Variants in ELP4 observed in about 807,000 individuals in gnomAD.
ELP4 encodes the protein elongator acetyltransferase complex subunit 4.
Under a neutral mutation model 48.9 loss-of-function variants are expected in ELP4, and 51 were observed. The observed-to-expected ratio is 1.04, with a 90% CI of 0.83 to 1.32. The LOEUF (loss-of-function observed/expected upper bound fraction) is 1.32, where lower values mean the gene tolerates loss of function less well. Ranked by LOEUF, ELP4 falls within the 40% of genes most tolerant of loss-of-function variation. ELP4 has a pLI of 0.00. For missense variants in ELP4, 519 were observed against 514.6 expected, an observed-to-expected ratio of 1.01 and a Z score of -0.08; for synonymous variants, 210 against 189.2, an observed-to-expected ratio of 1.11 and a Z score of -0.90.
At chr11:31,737,085 A>G (rs1189687425) in intron 9 of ELP4, among the ~76,000 whole-genome samples, 2 of 152,248 alleles carry the variant, frequency 1.3e-5, no homozygotes, top group Non-Finnish European at 1.5e-5. Context: ...CAACAATGAT[A>G]GACTGGACGA....
At position 31,577,891 on chromosome 11, in the gene ELP4, T is replaced by G. The variant is rs1034329082; in HGVS notation, c.382-16879T>G. On this transcript the variant is annotated intron_variant, in intron 3 of 9. Coordinates refer to ENST00000640961, the MANE Select transcript of ELP4 (RefSeq NM_019040.5). ...TCCCTTTGAAAACTGGCACAAGACA[T>G]GGATGCCCTCTCTCACCACTCCCAT... is the stretch of plus-strand genomic sequence containing the variant. Among the ~76,000 whole-genome samples, 14 of 151,518 alleles carry G rather than the reference T, an allele frequency of 9.2e-5. No individual in the cohort carries two copies. In the South Asian group the frequency reaches 1.9e-3, roughly 20 times the overall value.
chr11:31,703,944 T>A (rs1455748405), intron 9 of ELP4, among the ~76,000 whole-genome samples: 1 of 152,166 alleles, frequency 6.6e-6, no homozygotes, highest in Non-Finnish European at 1.5e-5. Context: ...AATTCAAAAA[T>A]GTTATATGCA....
At chr11:31,550,485 C>G (rs1229702585) in intron 3 of ELP4, among the ~76,000 whole-genome samples, 1 of 152,122 alleles carries the variant, frequency 6.6e-6, no homozygotes, top group East Asian at 1.9e-4. Context: ...AGTGATGATA[C>G]CAGCCATTCA....
At chr11:31,770,296 G>A (rs1948112158) in intron 9 of ELP4, among the ~76,000 whole-genome samples, 1 of 152,110 alleles carries the variant, frequency 6.6e-6, no homozygotes, top group South Asian at 2.1e-4. Context: ...GGAGTCAGTT[G>A]GGGAGATATC....
intron 9 of ELP4, among the ~76,000 whole-genome samples, chr11:31,747,063 G>T (rs1947611710): frequency 6.6e-6 from 1 of 152,010 alleles, no homozygotes; most frequent in Non-Finnish European, 1.5e-5. Flanking sequence ...GTTTGTGTGT[G>T]TCTGTGTCAC....
intron 9 of ELP4, among the ~76,000 whole-genome samples, chr11:31,684,700 A>G (rs1209107307): frequency 2.0e-5 from 3 of 152,202 alleles, no homozygotes; most frequent in Non-Finnish European, 4.4e-5. Context: ...GTGCTTTTCA[A>G]TAAATAGTAC....
chr11:31,521,193 A>T (rs1245192562), intron 2 of ELP4, among the ~76,000 whole-genome samples: 3 of 152,028 alleles, frequency 2.0e-5, no homozygotes, highest in Non-Finnish European at 4.4e-5. Flanking sequence ...TTCCTCATCT[A>T]TGCTGGATAA....
intron 9 of ELP4, among the ~76,000 whole-genome samples, chr11:31,661,086 A>G (rs1230859048): frequency 6.6e-6 from 1 of 152,032 alleles, no homozygotes; most frequent in Non-Finnish European, 1.5e-5. Flanking sequence ...TTTGTTCAAC[A>G]CTTTCTAGAT....
intron 9 of ELP4, among the ~76,000 whole-genome samples, chr11:31,722,885 G>C (rs1946998369): frequency 6.6e-6 from 1 of 152,178 alleles, no homozygotes; most frequent in South Asian, 2.1e-4. Context: ...TCAGGTTTTT[G>C]CTCTTGCCAG....
chr11:31,781,797 G>T (rs1003025267), intron 9 of ELP4, among the ~76,000 whole-genome samples: 1 of 152,030 alleles, frequency 6.6e-6, no homozygotes, highest in Non-Finnish European at 1.5e-5. Flanking sequence ...GTGCCTGGCC[G>T]ATTCCTGAGC....
intron 1 of ELP4, among the ~76,000 whole-genome samples, chr11:31,516,140 T>C (rs959120994): frequency 1.3e-5 from 2 of 152,050 alleles, no homozygotes; most frequent in African/African-American, 4.8e-5. Context: ...TGCTTCTCTG[T>C]CTGTCCCAGT....
intron 9 of ELP4, chr11:31,662,962 C>A: frequency 5.9e-6 from 1 of 168,418 alleles, no homozygotes; most frequent in East Asian, 1.6e-4. Flanking sequence ...AGGGGCACCT[C>A]ATTTCAGTCT....
intron 9 of ELP4, among the ~76,000 whole-genome samples, chr11:31,711,749 A>T (rs1204954320): frequency 1.3e-5 from 2 of 152,168 alleles, no homozygotes; most frequent in Non-Finnish European, 2.9e-5. Context: ...TATTAATAGT[A>T]GTAGGTACAG....
At chr11:31,591,688 A>G (rs900180885) in intron 3 of ELP4, among the ~76,000 whole-genome samples, 3 of 152,192 alleles carry the variant, frequency 2.0e-5, no homozygotes, top group Non-Finnish European at 2.9e-5. Context: ...CACTGTAGAA[A>G]ACATTTTGGC....
At chr11:31,545,300 G>C (rs1018444532) in intron 3 of ELP4, among the ~76,000 whole-genome samples, 1 of 152,202 alleles carries the variant, frequency 6.6e-6, no homozygotes, top group Admixed American at 6.5e-5. Context: ...GGAGCTGATG[G>C]AGCTGAAAGC....
At chr11:31,523,219 T>C (rs1956244230) in intron 2 of ELP4, among the ~76,000 whole-genome samples, 1 of 152,072 alleles carries the variant, frequency 6.6e-6, no homozygotes, top group Admixed American at 6.6e-5. Flanking sequence ...ACTTGTACAA[T>C]GAATTAAATC....
chr11:31,774,624 A>G (rs1410781633), intron 9 of ELP4, among the ~76,000 whole-genome samples: 1 of 152,234 alleles, frequency 6.6e-6, no homozygotes, highest in Non-Finnish European at 1.5e-5. Flanking sequence ...TGTTCCACAT[A>G]GAGCCTCTGA....
chr11:31,576,209 G>A (rs567465362), intron 3 of ELP4, among the ~76,000 whole-genome samples: 240 of 152,254 alleles, frequency 1.6e-3, no homozygotes, highest in African/African-American at 5.6e-3. Flanking sequence ...ATTGCATAAC[G>A]GTAAAGGTAT....
chr11:31,642,723 AC>A (rs1458345604), intron 7 of ELP4, among the ~76,000 whole-genome samples: 3 of 151,996 alleles, frequency 2.0e-5, no homozygotes, highest in Admixed American at 6.6e-5. Context: ...TCAGTTTATT[AC>A]AAATATTCTA....
Sources: allele counts gnomAD v4.1 joint callset (sites outside exome capture counted in the v4.1 genomes callset), GRCh38; gene constraint gnomAD v4.1.1; transcripts MANE v1.5; gene names NCBI Gene and HGNC (gene_info 2026-07-23, HGNC 2026-07-21).